The following ULK4 variants were observed in gnomAD, a reference collection of about 807,000 sequenced individuals.
ULK4 encodes the protein inactive serine/threonine-protein kinase ULK4.
In ULK4, 133 loss-of-function variants were observed where a neutral mutation model predicts 160.6. That is an observed-to-expected ratio of 0.83 (90% confidence interval 0.72 to 0.96). ULK4 has a LOEUF of 0.96. ULK4 is among the 40% of genes least tolerant of loss of function. The probability of loss-of-function intolerance (pLI) is 0.00; values close to 1 mark genes in which losing one functional copy is unlikely to be tolerated. For missense variants in ULK4, 1,580 were observed against 1,499.5 expected (o/e 1.05, Z -0.89); for synonymous variants, 534 against 539.8 (o/e 0.99, Z 0.15).
chr3:41,783,901 C>T (rs1184199435), intron 21 of ULK4, among the ~76,000 whole-genome samples: 1 of 152,060 alleles, frequency 6.6e-6, no homozygotes, highest in Non-Finnish European at 1.5e-5. Flanking sequence ...ACATTAACAG[C>T]TTGGAAGTAC....
intron 31 of ULK4, among the ~76,000 whole-genome samples, chr3:41,603,432 G>T (rs2032214959): frequency 6.6e-6 from 1 of 152,056 alleles, no homozygotes; most frequent in African/African-American, 2.4e-5. Context: ...TCAGTTGACA[G>T]GATAACCTGA....
intron 1 of ULK4, among the ~76,000 whole-genome samples, chr3:41,956,203 T>A (rs1413769955): frequency 1.3e-5 from 2 of 152,116 alleles, no homozygotes; most frequent in African/African-American, 4.8e-5. Context: ...TTGCAGAGAA[T>A]GGAATGAATG....
At chr3:41,684,015 A>T (rs565361974) in intron 27 of ULK4, among the ~76,000 whole-genome samples, 3 of 152,298 alleles carry the variant, frequency 2.0e-5, no homozygotes, top group African/African-American at 7.2e-5. Flanking sequence ...TTGTGTGTTT[A>T]ACTTGACATC....
intron 17 of ULK4, among the ~76,000 whole-genome samples, chr3:41,861,812 T>A (rs965424662): frequency 3.3e-5 from 5 of 152,108 alleles, no homozygotes; most frequent in African/African-American, 1.2e-4. Context: ...CTAGATCTTG[T>A]AGGCGTGCTT....
At chr3:41,556,487 C>CTTTTTTTTTT (rs34888775) in intron 32 of ULK4, among the ~76,000 whole-genome samples, 1 of 117,082 alleles carries the variant, frequency 8.5e-6, no homozygotes, top group Non-Finnish European at 1.6e-5. Flanking sequence ...CTCTACCAAA[C>CTTTTTTTTTT]TTTTTTTTTT....
At chr3:41,918,861 A>G (rs933304302) in intron 6 of ULK4, among the ~76,000 whole-genome samples, 2 of 152,156 alleles carry the variant, frequency 1.3e-5, no homozygotes, top group African/African-American at 2.4e-5. Flanking sequence ...TCGATCTCCC[A>G]AAGTGCTGGG....
At chr3:41,432,634 A>G (rs2082938180) in intron 34 of ULK4, among the ~76,000 whole-genome samples, 1 of 152,190 alleles carries the variant, frequency 6.6e-6, no homozygotes. Context: ...ACACTTTGCT[A>G]TTATTTCCCA....
chr3:41,692,670 T>C (rs1388562814), intron 27 of ULK4, among the ~76,000 whole-genome samples: 1 of 151,632 alleles, frequency 6.6e-6, no homozygotes, highest in Non-Finnish European at 1.5e-5. Flanking sequence ...GGATAATATA[T>C]GGAATAATCC....
chr3:41,288,661 T>G lies in ULK4; in HGVS notation c.3679-39087A>C, dbSNP rs564647099. ...AATACAATTTATATTTACTCACTGA[T>G]CAAACCAATCTGACTTAGTGTTTTT... On this transcript the variant is annotated intron_variant, in intron 35 of 36. Coordinates refer to ENST00000301831, the MANE Select transcript of ULK4 (RefSeq NM_017886.4). Among the ~76,000 whole-genome samples, 135 of 152,288 alleles carry G rather than the reference T, an allele frequency of 8.9e-4. 1 individual carries two copies. The highest frequency in any genetic ancestry group is 3.2e-3 in the African/African-American group (132 of 41,564).
intron 31 of ULK4, among the ~76,000 whole-genome samples, chr3:41,567,423 G>A (rs978344270): frequency 6.7e-6 from 1 of 150,120 alleles, no homozygotes; most frequent in African/African-American, 2.5e-5. Flanking sequence ...AAGACTCATT[G>A]AGAAGGTGTC....
intron 32 of ULK4, among the ~76,000 whole-genome samples, chr3:41,537,557 C>G (rs893593350): frequency 6.6e-6 from 1 of 152,140 alleles, no homozygotes; most frequent in Non-Finnish European, 1.5e-5. Context: ...GGCAAGTAGA[C>G]CATGCTGATA....
intron 30 of ULK4, among the ~76,000 whole-genome samples, chr3:41,653,958 A>G (rs2034840067): frequency 6.6e-6 from 1 of 152,252 alleles, no homozygotes; most frequent in Non-Finnish European, 1.5e-5. Context: ...TGTATGCAAT[A>G]AACCTAAGTT....
At chr3:41,493,172 T>C (rs1442294908) in intron 32 of ULK4, among the ~76,000 whole-genome samples, 19 of 138,636 alleles carry the variant, frequency 1.4e-4, no homozygotes, top group Admixed American at 1.3e-3. Flanking sequence ...GACCACATAC[T>C]TGGAAGTAAA....
chr3:41,498,143 A>C (rs2085057217), intron 32 of ULK4, among the ~76,000 whole-genome samples: 1 of 152,214 alleles, frequency 6.6e-6, no homozygotes, highest in African/African-American at 2.4e-5. Context: ...AGAAAAACTA[A>C]ATGCCAGGCC....
At chr3:41,588,692 T>G (rs540093449) in intron 31 of ULK4, among the ~76,000 whole-genome samples, 1 of 152,168 alleles carries the variant, frequency 6.6e-6, no homozygotes. Context: ...TTTATACCAA[T>G]AGACACAAAT....
At chr3:41,735,687 TTTATTATTATTA>T (rs10652302) in intron 22 of ULK4, among the ~76,000 whole-genome samples, 3 of 144,494 alleles carry the variant, frequency 2.1e-5, no homozygotes, top group Admixed American at 7.0e-5. Context: ...CTAAGTCCAT[TTTATTATTATTA>T]TTATTATTAT....
At chr3:41,863,094 G>A (rs888760176) in intron 17 of ULK4, among the ~76,000 whole-genome samples, 2 of 152,092 alleles carry the variant, frequency 1.3e-5, no homozygotes, top group African/African-American at 4.8e-5. Context: ...AGGAGTCAGG[G>A]ACTAGAGTCA....
intron 32 of ULK4, among the ~76,000 whole-genome samples, chr3:41,524,157 G>C (rs929903487): frequency 6.6e-6 from 1 of 152,196 alleles, no homozygotes; most frequent in Non-Finnish European, 1.5e-5. Context: ...TATGAGCAGA[G>C]CTTCTTTCTG....
chr3:41,956,320 C>T (rs1700484613), intron 1 of ULK4, among the ~76,000 whole-genome samples: 1 of 152,198 alleles, frequency 6.6e-6, no homozygotes, highest in Non-Finnish European at 1.5e-5. Context: ...AGTGGGAAAG[C>T]TCTAGGGGGT....
Sources: gnomAD v4.1 joint callset for allele counts (sites outside exome capture counted in the v4.1 genomes callset) on GRCh38, gnomAD v4.1.1 for gene constraint, MANE v1.5 for transcripts, NCBI Gene and HGNC (gene_info 2026-07-23, HGNC 2026-07-21) for gene names.